Variants in ZFYVE21 observed in about 807,000 individuals in gnomAD.
The protein encoded by ZFYVE21 is zinc finger FYVE domain-containing protein 21.
ZFYVE21 carries 21 observed loss-of-function variants against 29.5 expected under a neutral mutation model. The observed-to-expected ratio is 0.71, with a 90% CI of 0.50 to 1.02. The LOEUF (loss-of-function observed/expected upper bound fraction) is 1.02. ZFYVE21 is among the 50% of genes least tolerant of loss of function. The pLI is 0.00. For synonymous variants in ZFYVE21, 151 were observed against 133.8 expected, an observed-to-expected ratio of 1.13 and a Z score of -0.89; for missense variants, 326 against 335.4, an observed-to-expected ratio of 0.97 and a Z score of 0.22.
At chr14:103,722,178 T>C (rs559641834) in intron 1 of ZFYVE21, among the ~76,000 whole-genome samples, 1 of 152,320 alleles carries the variant, frequency 6.6e-6, no homozygotes, top group East Asian at 1.9e-4. Flanking sequence ...CATTGCTTTA[T>C]TTCATATTAA....
intron 2 of ZFYVE21, 106 bp downstream of exon 2, chr14:103,726,948 G>GTTTTTTTTTGT: frequency 3.0e-6 from 2 of 660,980 alleles, no homozygotes; most frequent in East Asian, 3.8e-5. Context: ...CTTATGGCTC[G>GTTTTTTTTTGT]TTTTTTTTTT....
rs551069357 is a variant in ZFYVE21 at position 103,716,745 on chromosome 14, C to T, written c.138+766C>T. 6.6e-6 allele frequency among the ~76,000 whole-genome samples: 1 copy of T among 152,202 alleles called. No individual in the cohort carries two copies. The highest frequency in any genetic ancestry group is 1.5e-5 in the Non-Finnish European group (1 of 68,020). ...CGTGGGGTCCCTGAGCCAGGCCATCCGCTGGGCCTCCCGTGGGGTTCCCTG... is the reference window on the plus strand; with the variant it reads ...CGTGGGGTCCCTGAGCCAGGCCATCTGCTGGGCCTCCCGTGGGGTTCCCTG... On this transcript the variant is annotated intron_variant, in intron 1 of 6. Transcript: ENST00000311141. The surrounding 1 kb of genome is among the most constrained non-coding windows in gnomAD (Gnocchi z 4.8).
At chr14:103,724,456 G>C (rs1340637137) in intron 1 of ZFYVE21, 3 of 152,262 alleles carry the variant, frequency 2.0e-5, no homozygotes, top group African/African-American at 7.2e-5. Context: ...TGTGTGGCTT[G>C]GTAATGCTGT....
Position 103,729,143 on chromosome 14 carries a change from T to A in ZFYVE21, c.487T>A (p.Ser163Thr), listed in dbSNP as rs773737912. ...CTATGAAATCGAAATTGTACACATT[T>A]CCACCGTGCAGATCCTCACAGAAGG... ...SHYEIEIVHI[S>T]TVQILTEGFP... Residue 163 changes from serine (S) to threonine (T), a missense_variant, in exon 5 of 7, where the codon TCC becomes ACC. Physicochemically the swap from Ser to Thr is moderately conservative, Grantham distance 58. Transcript: ENST00000311141. 2.4e-5 allele frequency: 39 copies of A among 1,613,914 alleles called. No individual in the cohort carries two copies. Among genetic ancestry groups the A allele is most frequent in the Non-Finnish European group, 3.1e-5 (37 of 1,180,024 alleles).
At chr14:103,727,960 C>T in intron 3 of ZFYVE21, 46 bp downstream of exon 3, 1 of 1,559,394 alleles carries the variant, frequency 6.4e-7, no homozygotes, top group East Asian at 2.3e-5. Context: ...CGCCAGCCGG[C>T]TCCTCGTGTC....
Position 103,733,154 on chromosome 14 carries a change from G to A in ZFYVE21, c.*136G>A. The A allele has an allele frequency of 1.8e-6, 2 of 1,118,956 alleles. No individual in the cohort carries two copies. The highest frequency in any genetic ancestry group is 2.6e-6 in the Non-Finnish European group (2 of 762,958). 69.3% of individuals were successfully genotyped at this position (1,118,956 alleles called of 1,614,324 possible). ...AATGCAACTCACTCATGTATTTGGA[G>A]AAACAGGAGTGTTCACTTATCTAGT... On this transcript the variant is annotated 3_prime_UTR_variant, in exon 7 of 7. Coordinates refer to ENST00000311141, the MANE Select transcript of ZFYVE21 (RefSeq NM_024071.4).
chr14:103,729,274 GC>G, intron 5 of ZFYVE21, 92 bp downstream of exon 5: 1 of 1,273,214 alleles, frequency 7.9e-7, no homozygotes, highest in Non-Finnish European at 1.1e-6. Flanking sequence ...TCAGGCAGCT[GC>G]CCTGAGGAGT....
At chr14:103,729,883 C>G in intron 5 of ZFYVE21, 2 of 1,534,370 alleles carry the variant, frequency 1.3e-6, no homozygotes, top group Non-Finnish European at 1.7e-6. Context: ...TCCCCGCATG[C>G]AGCGGGCCCG....
chr14:103,726,948 G>GTTTTTTTTTTT (rs572377392), intron 2 of ZFYVE21, 106 bp downstream of exon 2: 28 of 661,554 alleles, frequency 4.2e-5, no homozygotes, highest in East Asian at 1.9e-4. Context: ...CTTATGGCTC[G>GTTTTTTTTTTT]TTTTTTTTTT....
At chr14:103,726,663 G>A in intron 1 of ZFYVE21, 129 bp from the exon 2 acceptor site, 1 of 1,187,206 alleles carries the variant, frequency 8.4e-7, no homozygotes, top group Non-Finnish European at 1.2e-6. Context: ...TCACAACCCT[G>A]CCTGCCTCAG....
At chr14:103,726,723 C>G in intron 1 of ZFYVE21, 69 bp from the exon 2 acceptor site, 7 of 1,593,402 alleles carry the variant, frequency 4.4e-6, no homozygotes, top group Non-Finnish European at 6.0e-6. Flanking sequence ...CTCAGCAGCC[C>G]GTGGTCGTGC....
Position 103,716,153 on chromosome 14 carries a change from G to T in ZFYVE21, c.138+174G>T, listed in dbSNP as rs1309982367. On this transcript the variant is annotated intron_variant, in intron 1 of 6. Coordinates refer to ENST00000311141, the MANE Select transcript of ZFYVE21 (RefSeq NM_024071.4). This position sits in a 1 kb window ranked among gnomAD's most constrained non-coding sequence, Gnocchi z 4.8. The stretch of plus-strand genomic sequence containing the variant: ...CCGCGTCCCCGGGCCGCCGCCTCAG[G>T]CTCCTACGCCCGCGGGGAGGGCGGG... Among the ~76,000 whole-genome samples the T allele has an allele frequency of 6.6e-6, 1 of 151,618 alleles. No homozygotes were observed. Among genetic ancestry groups the T allele is most frequent in the Non-Finnish European group, 1.5e-5 (1 of 67,862 alleles).
chr14:103,721,834 T>A (rs2083875128), intron 1 of ZFYVE21, among the ~76,000 whole-genome samples: 1 of 152,250 alleles, frequency 6.6e-6, no homozygotes. Flanking sequence ...GGTTTTAGTT[T>A]CCCCAGCGAA....
In ZFYVE21 at chr14:103,715,852, A is replaced by T; in HGVS notation, c.11A>T (p.Glu4Val). The T allele has an allele frequency of 2.1e-6, 3 of 1,420,298 alleles. No homozygotes were observed. Among genetic ancestry groups the T allele is most frequent in the Non-Finnish European group, 2.8e-6 (3 of 1,082,534 alleles). The allele number at this position is 1,420,298 out of a possible 1,614,324, so 88.0% of individuals were successfully genotyped here. A position where few individuals can be genotyped will look rare whatever the true frequency, so the allele number is the denominator to read the frequency against. ...GGCTGAGGCGGCGTCATGTCCTCCG[A>T]GGTGTCCGCGCGCCGCGACGCCAAG... is the stretch of plus-strand genomic sequence containing the variant. The part of the protein sequence containing the change: MSS[E>V]VSARRDAKKL... Residue 4 changes from glutamate (E) to valine (V), a missense_variant, in exon 1 of 7, where the codon GAG (glutamate) becomes GTG (valine). Transcript: ENST00000311141.
In ZFYVE21 at chr14:103,727,939, C is replaced by T. The variant is rs770908288; in HGVS notation, c.358+25C>T. 3.2e-6 allele frequency: 5 copies of T among 1,582,778 alleles called. No individual in the cohort carries two copies. The South Asian group carries it at 5.6e-5, about 18-fold the overall frequency. On this transcript the variant is annotated intron_variant, in intron 3 of 6. Transcript: ENST00000311141. ...GGTAAGGACGGGTGTCCTGCACAGT[C>T]CCGCGCGCTCCGCCAGCCGGCTCCT...
At position 103,727,804 on chromosome 14, in the gene ZFYVE21, C is replaced by T. The variant is rs775035762; in HGVS notation, c.248C>T (p.Pro83Leu). ...GACAGGTGCTGCAGCCAGAAGGTGC[C>T]GCTGCGGCGCATGTGCTTTGTGGAC... ...FCDRCCSQKVPLRRMCFVDPV... is the reference protein window; with the variant it reads ...FCDRCCSQKVLLRRMCFVDPV... Residue 83 changes from proline (P) to leucine (L), a missense_variant, in exon 3 of 7, where the codon CCG becomes CTG. Coordinates refer to ENST00000311141, the MANE Select transcript of ZFYVE21 (RefSeq NM_024071.4). The T allele has an allele frequency of 1.3e-4, 215 of 1,612,572 alleles. No individual in the cohort carries two copies. Among genetic ancestry groups the T allele is most frequent in the Non-Finnish European group, 1.8e-4 (214 of 1,179,910 alleles).
At position 103,715,853 on chromosome 14, in the gene ZFYVE21, G is replaced by T; in HGVS notation, c.12G>T (p.Glu4Asp). Residue 4 changes from glutamate (E) to aspartate (D), a missense_variant, in exon 1 of 7, where the codon GAG (glutamate) becomes GAT (aspartate). Glu to Asp is a conservative substitution (Grantham distance 45). Coordinates refer to ENST00000311141, the MANE Select transcript of ZFYVE21 (RefSeq NM_024071.4). ...GCTGAGGCGGCGTCATGTCCTCCGA[G>T]GTGTCCGCGCGCCGCGACGCCAAGA... MSS[E>D]VSARRDAKKL... The T allele has an allele frequency of 7.0e-7, 1 of 1,421,486 alleles. No homozygotes were observed. The allele number at this position is 1,421,486 out of a possible 1,614,324, so 88.1% of individuals were successfully genotyped here.
intron 1 of ZFYVE21, among the ~76,000 whole-genome samples, chr14:103,721,522 C>T (rs751985291): frequency 1.2e-4 from 18 of 152,342 alleles, no homozygotes; most frequent in East Asian, 3.9e-4. Flanking sequence ...GCCTCTGTGA[C>T]GCCACTGCAC....
chr14:103,723,488 T>C (rs913304306), intron 1 of ZFYVE21, among the ~76,000 whole-genome samples: 4 of 152,070 alleles, frequency 2.6e-5, no homozygotes, highest in Admixed American at 2.6e-4. Flanking sequence ...GGAAGCAGCT[T>C]AAAAGCAAAG....
Sources: allele counts gnomAD v4.1 joint callset (sites outside exome capture counted in the v4.1 genomes callset), GRCh38; gene constraint gnomAD v4.1.1; non-coding constraint Gnocchi (gnomAD v3.1); transcripts MANE v1.5; gene names NCBI Gene and HGNC (gene_info 2026-07-23, HGNC 2026-07-21).